Variants in DYNC2I2 observed in about 807,000 individuals in gnomAD.
The protein encoded by DYNC2I2 is dynein 2 intermediate chain 2, also known as cytoplasmic dynein 2 intermediate chain 2.
Under a neutral mutation model 52.0 loss-of-function variants are expected in DYNC2I2, and 39 were observed. That is an observed-to-expected ratio of 0.75 (90% confidence interval 0.58 to 0.98). DYNC2I2 has a LOEUF of 0.98. DYNC2I2 is among the 50% of genes least tolerant of loss of function. The pLI is 0.00. For missense variants in DYNC2I2, 743 were observed against 728.4 expected (o/e 1.02, Z -0.23); for synonymous variants, 359 against 321.1 (o/e 1.12, Z -1.26).
At chr9:128,659,531 A>G (rs940322954), upstream of DYNC2I2, among the ~76,000 whole-genome samples, 3 of 151,018 alleles carry the variant, frequency 2.0e-5, no homozygotes, top group Non-Finnish European at 3.0e-5. Flanking sequence ...AAACTCACTA[A>G]GGTCTGGTGT....
At chr9:128,636,548 CCA>C (rs1448533586) in intron 3 of DYNC2I2, 110 bp from the exon 4 acceptor site, 1 of 1,249,262 alleles carries the variant, frequency 8.0e-7, no homozygotes, top group Non-Finnish European at 1.1e-6. Context: ...CTTGTCACCA[CCA>C]GACACTACTC....
intron 1 of DYNC2I2, among the ~76,000 whole-genome samples, chr9:128,641,450 G>C (rs1229906082): frequency 6.6e-6 from 1 of 152,130 alleles, no homozygotes; most frequent in Admixed American, 6.6e-5. Context: ...GTGGGAGGCA[G>C]AGCACTGCCC....
chr9:128,663,178 A>G, the DYNC2I2 span: 1 of 151,256 alleles, frequency 6.6e-6, no homozygotes. Context: ...TTTTTTTTTC[A>G]TTCTAGTAAC....
chr9:128,665,908 TA>T, the DYNC2I2 span, among the ~76,000 whole-genome samples: 15,755 of 115,088 alleles, frequency 0.14, 1,297 homozygotes, highest in African/African-American at 0.27. Flanking sequence ...CCGTCTCTAC[TA>T]AAAAAAAAAA....
rs752439890 is a variant in DYNC2I2, at chr9:128,636,185, C to T, written c.703+96G>A. The T allele has an allele frequency of 2.0e-5, 30 of 1,525,484 alleles. No individual in the cohort carries two copies. In the East Asian group the frequency reaches 2.7e-4, roughly 14 times the overall value. 94.5% of individuals were successfully genotyped at this position (1,525,484 alleles called of 1,614,324 possible). A position where few individuals can be genotyped will look rare whatever the true frequency, so the allele number is the denominator to read the frequency against. On this transcript the variant is annotated intron_variant, in intron 4 of 8. Coordinates refer to ENST00000372715, the MANE Select transcript of DYNC2I2 (RefSeq NM_052844.4). ...GGGTCAGGGCCCGCCTTCCTGTCTC[C>T]GGGCCAAAGGGCCCATGGAAAGCTC...
At chr9:128,669,136 C>T in the DYNC2I2 span, among the ~76,000 whole-genome samples, 10 of 152,000 alleles carry the variant, frequency 6.6e-5, no homozygotes, top group Admixed American at 2.6e-4. Context: ...GAGGCCGAGG[C>T]GGGCGGATCA....
At chr9:128,678,884 A>G in the DYNC2I2 span, among the ~76,000 whole-genome samples, 3 of 151,610 alleles carry the variant, frequency 2.0e-5, no homozygotes, top group Non-Finnish European at 4.4e-5. Flanking sequence ...CCTGGCTAAC[A>G]TGGTGAAACT....
chr9:128,636,357 C>T lies in DYNC2I2; in HGVS notation c.627G>A (p.Gln209=), dbSNP rs10760570. 1,342,299 of 1,607,886 alleles carry T rather than the reference C, an allele frequency of 0.83. 574,876 individuals carry two copies. The highest frequency in any genetic ancestry group is 0.89 in the Non-Finnish European group (1,045,002 of 1,177,648). The part of the protein sequence containing the change: ...NLDRRDLRPQ[Q]PSAVVEVPSA... ...TGGGGACCTCCACCACGGCCGACGG[C>T]TGCTGGGGACGCAGGTCTCGCCGGT... The change falls in exon 4 of 9, where the codon CAG becomes CAA. Residue 209 remains glutamine (Q), a synonymous_variant. Coordinates refer to ENST00000372715, the MANE Select transcript of DYNC2I2 (RefSeq NM_052844.4).
chr9:128,660,483 A>G (rs1860905699), upstream of DYNC2I2, among the ~76,000 whole-genome samples: 1 of 151,220 alleles, frequency 6.6e-6, no homozygotes, highest in Non-Finnish European at 1.5e-5. Context: ...ATCTTGGCTC[A>G]CTGCAACTGC....
At chr9:128,678,925 C>T in the DYNC2I2 span, among the ~76,000 whole-genome samples, 2 of 151,312 alleles carry the variant, frequency 1.3e-5, no homozygotes, top group South Asian at 2.1e-4. Flanking sequence ...AAAAATTAGC[C>T]GGGCGTGGTG....
In DYNC2I2 at chr9:128,635,663, A is replaced by T; in HGVS notation, c.808T>A (p.Ser270Thr). ...LTDDTHTDPV[S>T]QVVWLPEPGH... The stretch of plus-strand genomic sequence containing the variant: ...CCGGCAGCCCCTGCCCTGACCTGGG[A>T]CACAGGGTCTGTGTGGGTGTCATCC... The change falls in exon 5 of 9, where the codon TCC (serine) becomes ACC (threonine). Residue 270 changes from serine to threonine, a missense_variant. Ser to Thr is a moderately conservative substitution (Grantham distance 58). Coordinates refer to ENST00000372715, the MANE Select transcript of DYNC2I2 (RefSeq NM_052844.4). 6.2e-7 allele frequency: 1 copy of T among 1,605,926 alleles called. No homozygotes were observed. The highest frequency in any genetic ancestry group is 8.5e-7 in the Non-Finnish European group (1 of 1,176,200).
At chr9:128,669,346 C>T in the DYNC2I2 span, among the ~76,000 whole-genome samples, 2 of 151,696 alleles carry the variant, frequency 1.3e-5, no homozygotes, top group African/African-American at 4.8e-5. Context: ...GCCTGGGCGA[C>T]AGAGCGAGAC....
At chr9:128,634,003 G>A (rs373543501) in intron 8 of DYNC2I2, 21 bp from the exon 9 acceptor site, 38 of 1,611,800 alleles carry the variant, frequency 2.4e-5, no homozygotes, top group South Asian at 9.9e-5. Flanking sequence ...AGACAGATAC[G>A]TGGAGTAAGA....
At chr9:128,673,808 T>A in the DYNC2I2 span, among the ~76,000 whole-genome samples, 6 of 131,388 alleles carry the variant, frequency 4.6e-5, no homozygotes, top group Admixed American at 7.4e-5. Context: ...ACCCAGCTAT[T>A]TTTTTTTTTT....
chr9:128,657,443 C>T (rs990410808), upstream of DYNC2I2, among the ~76,000 whole-genome samples: 13 of 151,860 alleles, frequency 8.6e-5, no homozygotes, highest in Non-Finnish European at 1.6e-4. Context: ...TCTGCCATTC[C>T]GCGCGCCCCA....
the DYNC2I2 span, among the ~76,000 whole-genome samples, chr9:128,679,523 G>GAGCAATCATAGCTCACTGT: frequency 6.6e-6 from 1 of 152,102 alleles, no homozygotes; most frequent in Non-Finnish European, 1.5e-5. Context: ...GAGTGCAGTG[G>GAGCAATCATAGCTCACTGT]AGCAATCATA....
At chr9:128,670,171 T>C in the DYNC2I2 span, among the ~76,000 whole-genome samples, 1 of 151,656 alleles carries the variant, frequency 6.6e-6, no homozygotes, top group Admixed American at 6.6e-5. Context: ...ACACCGCTGG[T>C]GGGTCACACC....
At chr9:128,651,053 A>G (rs1254599191) in intron 1 of DYNC2I2, 1 of 57,802 alleles carries the variant, frequency 1.7e-5, no homozygotes, top group African/African-American at 3.4e-5. Context: ...GAGATCTTTC[A>G]CTGTCTCTAT....
the DYNC2I2 span, among the ~76,000 whole-genome samples, chr9:128,680,422 G>A: frequency 6.6e-6 from 1 of 151,692 alleles, no homozygotes; most frequent in Non-Finnish European, 1.5e-5. Flanking sequence ...CTGTCGCCCA[G>A]GCTGGAGTGC....
Sources: gnomAD v4.1 joint callset for allele counts (sites outside exome capture counted in the v4.1 genomes callset) on GRCh38, gnomAD v4.1.1 for gene constraint, MANE v1.5 for transcripts, NCBI Gene and HGNC (gene_info 2026-07-23, HGNC 2026-07-21) for gene names.